Variants in LCP2 observed in about 807,000 individuals in gnomAD.
LCP2 encodes the protein 76 kDa tyrosine phosphoprotein.
A neutral mutation model predicts 74.5 loss-of-function variants in LCP2; 29 were observed. The observed-to-expected ratio is 0.39, with a 90% CI of 0.29 to 0.53. The LOEUF (loss-of-function observed/expected upper bound fraction) is 0.53. Among genes scored for constraint, LCP2 ranks in the 20% least tolerant of loss-of-function variants. The pLI, the probability that LCP2 is intolerant of heterozygous loss-of-function variation, is 0.72. For synonymous variants in LCP2, 228 were observed against 229.5 expected, an observed-to-expected ratio of 0.99 and a Z score of 0.06; for missense variants, 604 against 634.6, an observed-to-expected ratio of 0.95 and a Z score of 0.52.
At chr5:170,288,614 C>T (rs1259846481) in intron 2 of LCP2, among the ~76,000 whole-genome samples, 1 of 152,236 alleles carries the variant, frequency 6.6e-6, no homozygotes, top group East Asian at 1.9e-4. Flanking sequence ...TGGGCCTCCA[C>T]CTCTTAATGC....
In LCP2 at chr5:170,250,888, A is replaced by G. The variant is rs1211673525; in HGVS notation, c.1324-3T>C. ...TCTCTGACCAGAAATGTGCCATCCT[A>G]AAAAGACAAATTCCTGTTATTATGG... On this transcript the variant is annotated splice_polypyrimidine_tract_variant and splice_region_variant and intron_variant, in intron 19 of 20. Coordinates refer to ENST00000046794, the MANE Select transcript of LCP2 (RefSeq NM_005565.5). 9 of 1,612,474 alleles carry G rather than the reference A, an allele frequency of 5.6e-6. No homozygotes were observed. Among genetic ancestry groups the G allele is most frequent in the Non-Finnish European group, 6.8e-6 (8 of 1,178,886 alleles).
At chr5:170,284,821 G>C (rs1374567991) in intron 3 of LCP2, among the ~76,000 whole-genome samples, 1 of 150,092 alleles carries the variant, frequency 6.7e-6, no homozygotes, top group Non-Finnish European at 1.5e-5. Context: ...TGCCATCTCA[G>C]CTCACTGCAG....
rs999050159 is a variant in LCP2, at chr5:170,297,535, T to G, written c.77A>C (p.Lys26Thr). ...CATTCACACAAGAGCAAGGCTTACC[T>G]TCTTGAAATAGTCAGCAAGGCTGTC... ...DPDSLADYFK[K>T]LNYKDCEKAV... Residue 26 changes from lysine (K) to threonine (T), a missense_variant and splice_region_variant, in exon 1 of 21, where the codon AAG becomes ACG. By Grantham distance (78) the Lys-to-Thr change is moderately conservative. Coordinates refer to ENST00000046794, the MANE Select transcript of LCP2 (RefSeq NM_005565.5). The G allele has an allele frequency of 1.9e-6, 3 of 1,612,460 alleles. No homozygotes were observed. Among genetic ancestry groups the G allele is most frequent in the Admixed American group, 3.3e-5 (2 of 59,862 alleles).
chr5:170,275,368 C>T lies in LCP2; in HGVS notation c.255-17G>A. The T allele has an allele frequency of 1.2e-6, 2 of 1,613,916 alleles. No homozygotes were observed. The highest frequency in any genetic ancestry group is 1.7e-6 in the Non-Finnish European group (2 of 1,179,816). ...ACTTGGGGTCTGCAAAGGTAAATAG[C>T]ACTGCATTAATGGTCTTCTCGATTT... On this transcript the variant is annotated splice_polypyrimidine_tract_variant and intron_variant, in intron 4 of 20. Transcript: ENST00000046794.
At chr5:170,275,510 T>C (rs1262521103) in intron 4 of LCP2, 159 bp from the exon 5 acceptor site, 22 of 791,730 alleles carry the variant, frequency 2.8e-5, no homozygotes, top group Non-Finnish European at 4.3e-5. Flanking sequence ...GGGGCTAGGA[T>C]ACCCTGAAAA....
intron 3 of LCP2, among the ~76,000 whole-genome samples, chr5:170,285,492 G>A (rs1762169147): frequency 6.6e-6 from 1 of 152,156 alleles, no homozygotes. Flanking sequence ...ATAGGTTTAA[G>A]TTTTGTTCTG....
chr5:170,281,425 GC>G (rs1441669515), intron 3 of LCP2, among the ~76,000 whole-genome samples: 1 of 152,060 alleles, frequency 6.6e-6, no homozygotes, highest in Non-Finnish European at 1.5e-5. Flanking sequence ...GACTACAGGT[GC>G]CTGCCACCAC....
chr5:170,273,057 T>A (rs138108439), intron 6 of LCP2, among the ~76,000 whole-genome samples: 3 of 116,010 alleles, frequency 2.6e-5, no homozygotes, highest in Non-Finnish European at 5.4e-5. Context: ...AAAAAAAAAA[T>A]TGCATTGTGC....
chr5:170,267,171 T>G (rs1761777694), intron 8 of LCP2, 96 bp from the exon 9 acceptor site: 4 of 1,218,470 alleles, frequency 3.3e-6, no homozygotes, highest in South Asian at 2.5e-5. Context: ...TTTCCTCATC[T>G]TCATGTTCTG....
chr5:170,292,438 C>T (rs1762309037), intron 2 of LCP2, among the ~76,000 whole-genome samples: 1 of 152,072 alleles, frequency 6.6e-6, no homozygotes, highest in South Asian at 2.1e-4. Context: ...GATTGGTGTT[C>T]TCTGGGGGCA....
intron 6 of LCP2, among the ~76,000 whole-genome samples, chr5:170,272,683 G>A (rs1308296785): frequency 1.6e-5 from 2 of 127,506 alleles, no homozygotes; most frequent in African/African-American, 6.1e-5. Context: ...TGCAATCTCG[G>A]CTTACTGCAA....
chr5:170,274,548 G>A (rs958171117), intron 5 of LCP2, among the ~76,000 whole-genome samples: 1 of 152,156 alleles, frequency 6.6e-6, no homozygotes, highest in Non-Finnish European at 1.5e-5. Context: ...CCAGGGGGTG[G>A]CGATGGTTCT....
At chr5:170,254,696 C>T (rs1761518707) in intron 17 of LCP2, among the ~76,000 whole-genome samples, 1 of 152,166 alleles carries the variant, frequency 6.6e-6, no homozygotes, top group African/African-American at 2.4e-5. Flanking sequence ...CATTGCATGG[C>T]CATTCTACAG....
At chr5:170,276,443 G>A (rs1242396924) in intron 3 of LCP2, among the ~76,000 whole-genome samples, 2 of 152,120 alleles carry the variant, frequency 1.3e-5, no homozygotes, top group African/African-American at 4.8e-5. Flanking sequence ...TCTTATAAAA[G>A]TTTGGGGAGG....
intron 3 of LCP2, among the ~76,000 whole-genome samples, chr5:170,286,813 C>T (rs1762190191): frequency 1.3e-5 from 2 of 152,198 alleles, no homozygotes; most frequent in African/African-American, 2.4e-5. Flanking sequence ...TCCCCACCTC[C>T]TACTCCTTTG....
At chr5:170,258,906 T>G in intron 14 of LCP2, 28 bp from the exon 15 acceptor site, 1 of 1,519,990 alleles carries the variant, frequency 6.6e-7, no homozygotes, top group Non-Finnish European at 9.0e-7. Flanking sequence ...AAAAAAGATA[T>G]TAAGCTATCA....
intron 18 of LCP2, 181 bp from the exon 19 acceptor site, chr5:170,252,692 G>A (rs923780643): frequency 7.3e-6 from 4 of 549,126 alleles, no homozygotes; most frequent in Non-Finnish European, 1.3e-5. Context: ...GATATTTTGT[G>A]CGAACTGCTT....
chr5:170,258,206 C>T, intron 15 of LCP2, 40 bp from the exon 16 acceptor site: 2 of 1,610,132 alleles, frequency 1.2e-6, no homozygotes. Context: ...ATTGGCAGGC[C>T]CCAGCTGTCA....
chr5:170,272,054 G>A (rs1039033181), intron 6 of LCP2, among the ~76,000 whole-genome samples: 3 of 152,152 alleles, frequency 2.0e-5, no homozygotes, highest in Non-Finnish European at 4.4e-5. Context: ...AGGAGCAGGT[G>A]GGCAGAGCCC....
Sources: allele counts gnomAD v4.1 joint callset (sites outside exome capture counted in the v4.1 genomes callset), GRCh38; gene constraint gnomAD v4.1.1; transcripts MANE v1.5; gene names NCBI Gene and HGNC (gene_info 2026-07-23, HGNC 2026-07-21).